The following FANCL variants were observed in gnomAD, a reference collection of about 807,000 sequenced individuals.
FANCL encodes the protein FA complementation group L.
FANCL carries 69 observed loss-of-function variants against 59.4 expected under a neutral mutation model. The observed-to-expected ratio is 1.16, with a 90% CI of 0.96 to 1.42. The LOEUF (loss-of-function observed/expected upper bound fraction) is 1.42. Ranked by LOEUF, FANCL falls within the 40% of genes most tolerant of loss-of-function variation. The probability of loss-of-function intolerance (pLI) is 0.00; values close to 1 mark genes in which losing one functional copy is unlikely to be tolerated. For missense variants in FANCL, 519 were observed against 447.2 expected, an observed-to-expected ratio of 1.16 and a Z score of -1.45; for synonymous variants, 180 against 147.1, an observed-to-expected ratio of 1.22 and a Z score of -1.62.
chr2:58,221,105 C>G (rs1392183419), intron 5 of FANCL, among the ~76,000 whole-genome samples: 1 of 150,258 alleles, frequency 6.7e-6, no homozygotes, highest in East Asian at 2.0e-4. Context: ...CCCAGCTACT[C>G]GGGAGGCTGA....
intron 1 of FANCL, among the ~76,000 whole-genome samples, chr2:58,240,964 T>C (rs569515888): frequency 6.6e-6 from 1 of 152,228 alleles, no homozygotes; most frequent in East Asian, 1.9e-4. Flanking sequence ...GGGGAAGGGC[T>C]AGGGAGAGAG....
chr2:58,163,558 C>T (rs1364889333), intron 8 of FANCL, 41 bp from the exon 9 acceptor site: 1 of 1,225,538 alleles, frequency 8.2e-7, no homozygotes, highest in East Asian at 2.4e-5. Flanking sequence ...AGTAGAACAG[C>T]TCATCAAACA....
intron 7 of FANCL, among the ~76,000 whole-genome samples, chr2:58,190,345 G>A (rs997793350): frequency 6.6e-6 from 1 of 151,674 alleles, no homozygotes; most frequent in African/African-American, 2.4e-5. Flanking sequence ...AGCCATCACA[G>A]AGTAACTATA....
chr2:58,211,340 C>T (rs368756935), intron 5 of FANCL, among the ~76,000 whole-genome samples: 1 of 152,212 alleles, frequency 6.6e-6, no homozygotes. Context: ...TCAGCCACAG[C>T]TGGAGCAGCT....
At chr2:58,173,072 A>C (rs1191405278) in intron 7 of FANCL, among the ~76,000 whole-genome samples, 1 of 152,182 alleles carries the variant, frequency 6.6e-6, no homozygotes, top group African/African-American at 2.4e-5. Flanking sequence ...TGAAGCAAGA[A>C]GGGAAGCTTA....
At chr2:58,212,249 T>C (rs1004358298) in intron 5 of FANCL, among the ~76,000 whole-genome samples, 11 of 152,290 alleles carry the variant, frequency 7.2e-5, no homozygotes, top group Non-Finnish European at 1.6e-4. Flanking sequence ...ATGAGGAAGA[T>C]GCAAAAGCAG....
intron 5 of FANCL, among the ~76,000 whole-genome samples, chr2:58,216,603 A>G (rs1691746544): frequency 6.6e-6 from 1 of 152,226 alleles, no homozygotes; most frequent in African/African-American, 2.4e-5. Flanking sequence ...TCTGTATTGA[A>G]TCAGTTATGA....
At chr2:58,183,655 ATTCTC>A (rs986101002) in intron 7 of FANCL, among the ~76,000 whole-genome samples, 1 of 151,912 alleles carries the variant, frequency 6.6e-6, no homozygotes, top group African/African-American at 2.4e-5. Flanking sequence ...ACAATTTTTT[ATTCTC>A]TTCTTTGTAC....
intron 5 of FANCL, among the ~76,000 whole-genome samples, chr2:58,219,467 C>T (rs932056521): frequency 1.3e-4 from 20 of 151,650 alleles, no homozygotes. Context: ...ACTGCCCACT[C>T]CTGAAGTGTG....
intron 5 of FANCL, among the ~76,000 whole-genome samples, chr2:58,218,875 T>C (rs1692120318): frequency 6.6e-6 from 1 of 151,758 alleles, no homozygotes; most frequent in Non-Finnish European, 1.5e-5. Flanking sequence ...ATGTTTACCT[T>C]AATACAGATA....
intron 2 of FANCL, among the ~76,000 whole-genome samples, chr2:58,231,582 G>T (rs1194676676): frequency 6.6e-6 from 1 of 152,140 alleles, no homozygotes; most frequent in African/African-American, 2.4e-5. Flanking sequence ...AGGCAGAATT[G>T]AGATTTGGGG....
chr2:58,170,378 T>C (rs942164942), intron 7 of FANCL, among the ~76,000 whole-genome samples: 1 of 152,172 alleles, frequency 6.6e-6, no homozygotes, highest in Non-Finnish European at 1.5e-5. Context: ...CAAGAGCTCC[T>C]GAAGGACGCG....
At chr2:58,222,241 CA>C (rs1328799035) in intron 4 of FANCL, among the ~76,000 whole-genome samples, 199 bp from the exon 5 acceptor site, 1 of 151,804 alleles carries the variant, frequency 6.6e-6, no homozygotes, top group African/African-American at 2.4e-5. Flanking sequence ...GAAGGTCATG[CA>C]AAATGTCAAT....
chr2:58,176,316 C>T (rs897416663), intron 7 of FANCL, among the ~76,000 whole-genome samples: 1 of 151,824 alleles, frequency 6.6e-6, no homozygotes, highest in Non-Finnish European at 1.5e-5. Flanking sequence ...GAGCCCGCAT[C>T]GCCAAGTCAA....
At chr2:58,230,605 G>A (rs978566625) in intron 2 of FANCL, among the ~76,000 whole-genome samples, 5 of 152,146 alleles carry the variant, frequency 3.3e-5, no homozygotes, top group Admixed American at 6.5e-5. Context: ...CTACAAGTAG[G>A]AAGCCTCTCT....
At chr2:58,230,286 C>T (rs1182019978) in intron 2 of FANCL, among the ~76,000 whole-genome samples, 2 of 152,004 alleles carry the variant, frequency 1.3e-5, no homozygotes, top group Non-Finnish European at 2.9e-5. Context: ...ATTAATATAA[C>T]TAAAAGGATA....
In FANCL at chr2:58,161,528, T is replaced by C. The variant is rs1021979267; in HGVS notation, c.1014A>G (p.Leu338=). Residue 338 remains leucine (L), a synonymous_variant, in exon 12 of 14, where the codon TTA becomes TTG. Transcript: ENST00000233741. ...QCGQPFHQIC[L]YEWLRGLLTS... is the part of the protein sequence containing the mutation. ...CAATATTTTTATTTTTTACCTCATA[T>C]AAGCATATTTGATGGAAAGGTTGTC... 6.3e-7 allele frequency: 1 copy of C among 1,588,412 alleles called. No individual in the cohort carries two copies. The highest frequency in any genetic ancestry group is 1.7e-5 in the Admixed American group (1 of 59,912).
At chr2:58,234,736 A>G (rs1573831402) in intron 1 of FANCL, among the ~76,000 whole-genome samples, 1 of 152,082 alleles carries the variant, frequency 6.6e-6, no homozygotes, top group African/African-American at 2.4e-5. Context: ...GTCTCTAGGT[A>G]AAAGATCAAA....
intron 4 of FANCL, among the ~76,000 whole-genome samples, chr2:58,226,463 C>T (rs1263364882): frequency 1.3e-5 from 2 of 152,138 alleles, no homozygotes. Flanking sequence ...GCCAGGAGTA[C>T]ATTTTATTTC....
Sources: gnomAD v4.1 joint callset for allele counts (sites outside exome capture counted in the v4.1 genomes callset) on GRCh38, gnomAD v4.1.1 for gene constraint, MANE v1.5 for transcripts, NCBI Gene and HGNC (gene_info 2026-07-23, HGNC 2026-07-21) for gene names.